PSG5: variants seen among roughly 807,000 people sequenced by gnomAD.
The protein encoded by PSG5 is pregnancy specific beta-1-glycoprotein 5.
A neutral mutation model predicts 37.7 loss-of-function variants in PSG5; 53 were observed. The ratio of observed to expected loss-of-function variants is 1.41; its 90% CI spans 1.13 to 1.77. The LOEUF (loss-of-function observed/expected upper bound fraction) is 1.77, where lower values mean the gene tolerates loss of function less well. Among genes scored for constraint, PSG5 ranks in the 40% most tolerant of loss-of-function variants. PSG5 has a pLI of 0.00. For synonymous variants in PSG5, 221 were observed against 155.4 expected (o/e 1.42, Z -3.14); for missense variants, 547 against 405.2 (o/e 1.35, Z -3.00).
At chr19:43,185,852 C>T (rs59675351) in intron 1 of PSG5, among the ~76,000 whole-genome samples, 1 of 36,328 alleles carries the variant, frequency 2.8e-5, no homozygotes, top group Admixed American at 2.4e-4. Context: ...TTCAAAATGT[C>T]GTGGCCCTCT....
chr19:43,171,445 C>G (rs546378970), intron 4 of PSG5: 1 of 180,670 alleles, frequency 5.5e-6, no homozygotes. Flanking sequence ...AGGTCAACAA[C>G]CTACTTTAAT....
chr19:43,173,097 G>C (rs1480622178), intron 4 of PSG5, among the ~76,000 whole-genome samples: 5 of 151,644 alleles, frequency 3.3e-5, no homozygotes, highest in Non-Finnish European at 7.4e-5. Context: ...GATTTTCATG[G>C]AGTGTTCCAA....
chr19:43,181,421 G>C (rs1436307247), intron 2 of PSG5, among the ~76,000 whole-genome samples: 1 of 151,624 alleles, frequency 6.6e-6, no homozygotes, highest in African/African-American at 2.4e-5. Context: ...GCTGTGTGCA[G>C]TCTACCAGTA....
intron 5 of PSG5, among the ~76,000 whole-genome samples, chr19:43,169,441 A>G (rs1312652938): frequency 6.6e-6 from 1 of 151,636 alleles, no homozygotes; most frequent in Non-Finnish European, 1.5e-5. Context: ...GTTTTTAGAC[A>G]TAGCATTGGA....
intron 2 of PSG5, among the ~76,000 whole-genome samples, chr19:43,180,799 C>T (rs1456275552): frequency 1.3e-5 from 1 of 77,776 alleles, no homozygotes; most frequent in Non-Finnish European, 2.4e-5. Context: ...TTAGCAGCTC[C>T]TTAAGTAGAG....
At chr19:43,175,679 C>T (rs779152282) in intron 3 of PSG5, 191 bp downstream of exon 3, 32 of 1,393,184 alleles carry the variant, frequency 2.3e-5, no homozygotes, top group Admixed American at 5.1e-5. Flanking sequence ...GACAAGAGCG[C>T]CCCCTCCCCT....
At position 43,186,387 on chromosome 19, in the gene PSG5, G is replaced by T. The variant is rs140275565; in HGVS notation, c.19C>A (p.Pro7Thr). The T allele has an allele frequency of 1.9e-3, 3,023 of 1,612,152 alleles. 58 individuals are homozygous for T. The highest frequency in any genetic ancestry group is 3.2e-3 in the Admixed American group (194 of 59,886). MGPLSA[P>T]PCTQHITWKG... ...CAGGTGATGTGCTGTGTGCAGGGAG[G>T]GGCTGAGAGGGGCCCCATGGTCTCT... Residue 7 changes from proline (P) to threonine (T), a missense_variant, in exon 1 of 6, where the codon CCT becomes ACT. Pro to Thr is a conservative substitution (Grantham distance 38). Transcript: ENST00000342951.
intron 2 of PSG5, among the ~76,000 whole-genome samples, chr19:43,184,014 G>A (rs557667310): frequency 1.3e-5 from 2 of 151,714 alleles, no homozygotes; most frequent in Non-Finnish European, 2.9e-5. Flanking sequence ...TTATTAATTT[G>A]CTTCCATGAG....
Position 43,175,869 on chromosome 19 carries a change from C to G in PSG5, c.709+1G>C, listed in dbSNP as rs761414147. On this transcript the variant is annotated splice_donor_variant, in intron 3 of 5. Coordinates refer to ENST00000342951, the MANE Select transcript of PSG5 (RefSeq NM_002781.4). LOFTEE classifies it high-confidence loss of function. ...CCCACAGAGGAACAAAAGATACTCACAGAGGACATTCAGGGTGACTGGGTC... is the reference window on the plus strand; with the variant it reads ...CCCACAGAGGAACAAAAGATACTCAGAGAGGACATTCAGGGTGACTGGGTC... 1.5e-5 allele frequency: 24 copies of G among 1,612,394 alleles called. 1 individual carries two copies. The Middle Eastern group carries it at 2.2e-3, about 145-fold the overall frequency.
At chr19:43,171,005 G>T (rs1442342097) in intron 4 of PSG5, 1 of 111,366 alleles carries the variant, frequency 9.0e-6, no homozygotes, top group African/African-American at 3.7e-5. Context: ...TATGGAAAAA[G>T]GTAGGTACTG....
In PSG5 at chr19:43,185,146, T is replaced by G; in HGVS notation, c.66A>C (p.Ala22=). The stretch of plus-strand genomic sequence containing the variant: ...GCAGGTTCCAGAAGTTTAAAAGTGA[T>G]GCTAGGAGGTGGAGAAAGCACCAGT... ...HITWKGLLLT[A]SLLNFWNLPI... The change falls in exon 2 of 6, where the codon GCA becomes GCC. Residue 22 remains alanine (A), a splice_region_variant and synonymous_variant. Coordinates refer to ENST00000342951, the MANE Select transcript of PSG5 (RefSeq NM_002781.4). 2 of 1,597,282 alleles carry G rather than the reference T, an allele frequency of 1.3e-6. No individual in the cohort carries two copies. Among genetic ancestry groups the G allele is most frequent in the Non-Finnish European group, 1.7e-6 (2 of 1,171,248 alleles).
rs1328233025 is a variant in PSG5, at chr19:43,176,009, A to C, written c.570T>G (p.Ser190Arg). ...TTTCAATGGGTCGCTTTACCCTGGG[A>C]CTGACCGGGAGGCTCTGACCATTTA... Reference protein sequence around the residue: ...WWLNGQSLPVSPRVKRPIENR... With the variant: ...WWLNGQSLPVRPRVKRPIENR... Residue 190 changes from serine to arginine, a missense_variant, in exon 3 of 6, where the codon AGT becomes AGG. Coordinates refer to ENST00000342951, the MANE Select transcript of PSG5 (RefSeq NM_002781.4). 2 of 1,611,086 alleles carry C rather than the reference A, an allele frequency of 1.2e-6. No homozygotes were observed. The highest frequency in any genetic ancestry group is 2.7e-5 in the African/African-American group (2 of 74,416).
chr19:43,167,924 T>A lies in PSG5; in HGVS notation c.*320A>T, dbSNP rs2122188659. 1 of 384,082 alleles carries A rather than the reference T, an allele frequency of 2.6e-6. No homozygotes were observed. The highest frequency in any genetic ancestry group is 3.8e-5 in the East Asian group (1 of 26,228). 23.8% of individuals were successfully genotyped at this position (384,082 alleles called of 1,614,324 possible). On this transcript the variant is annotated 3_prime_UTR_variant, in exon 6 of 6. Transcript: ENST00000342951. ...TCTGGAGAATAAAACATTCAAAGAATCAGCACATTTTCAAATAGAAAATTA... is the reference window on the plus strand; with the variant it reads ...TCTGGAGAATAAAACATTCAAAGAAACAGCACATTTTCAAATAGAAAATTA...
chr19:43,175,081 C>A, intron 4 of PSG5, 134 bp downstream of exon 4: 1 of 1,585,870 alleles, frequency 6.3e-7, no homozygotes, highest in Admixed American at 1.7e-5. Context: ...TGGAAGGGTT[C>A]AGGAGGAGAA....
intron 4 of PSG5, among the ~76,000 whole-genome samples, chr19:43,173,277 G>C (rs762055274): frequency 6.6e-6 from 1 of 151,560 alleles, no homozygotes; most frequent in African/African-American, 2.4e-5. Context: ...TAGAAGAAAA[G>C]CTTCATGATA....
At chr19:43,172,786 T>C (rs907237252) in intron 4 of PSG5, among the ~76,000 whole-genome samples, 2 of 151,622 alleles carry the variant, frequency 1.3e-5, no homozygotes, top group Admixed American at 6.6e-5. Context: ...GACTCAATAT[T>C]GTTAGGAGGA....
chr19:43,175,602 A>C, intron 3 of PSG5, 133 bp from the exon 4 acceptor site: 2 of 1,446,760 alleles, frequency 1.4e-6, no homozygotes, highest in Non-Finnish European at 1.9e-6. Flanking sequence ...CACTATATTC[A>C]CTGAGCCAAA....
chr19:43,174,062 C>G (rs1224401826), intron 4 of PSG5: 1 of 151,592 alleles, frequency 6.6e-6, no homozygotes, highest in African/African-American at 2.4e-5. Context: ...ATACATCGTG[C>G]AAAATGGATG....
In PSG5 at chr19:43,178,852, G is replaced by A; in HGVS notation, c.431-2704C>T. On this transcript the variant is annotated intron_variant, in intron 2 of 5. Transcript: ENST00000342951. The stretch of plus-strand genomic sequence containing the variant: ...CATGTGTATTTGGGATGGCAGCCTG[G>A]CTCACAGAGGAACAGAGGATACTCA... The A allele has an allele frequency of 6.8e-6, 11 of 1,612,888 alleles. 1 individual carries two copies. Among genetic ancestry groups the A allele is most frequent in the Non-Finnish European group, 9.3e-6 (11 of 1,179,300 alleles).
Sources: allele counts gnomAD v4.1 joint callset (sites outside exome capture counted in the v4.1 genomes callset), GRCh38; gene constraint gnomAD v4.1.1; transcripts MANE v1.5; gene names NCBI Gene and HGNC (gene_info 2026-07-23, HGNC 2026-07-21).